The following SMG5 variants were observed in gnomAD, a reference collection of about 807,000 sequenced individuals.
The protein encoded by SMG5 is nonsense-mediated mRNA decay factor SMG5.
In SMG5, 53 loss-of-function variants were observed where a neutral mutation model predicts 122.9. The ratio of observed to expected loss-of-function variants is 0.43; its 90% CI spans 0.35 to 0.54. The LOEUF is 0.54. Among genes scored for constraint, SMG5 ranks in the 20% least tolerant of loss-of-function variants. The pLI is 0.01. For synonymous variants in SMG5, 477 were observed against 490.2 expected (o/e 0.97, Z 0.35); for missense variants, 1,153 against 1,285.6 (o/e 0.90, Z 1.58).
In SMG5 at chr1:156,261,366, G is replaced by A. The variant is rs374473521; in HGVS notation, c.2074C>T (p.Leu692=). The A allele has an allele frequency of 2.5e-6, 4 of 1,614,076 alleles. No homozygotes were observed. In the African/African-American group the frequency reaches 4.0e-5, roughly 16 times the overall value. The stretch of plus-strand genomic sequence containing the variant: ...TGGAGTTCACCAGCAGCAGGCAACA[G>A]ATTCAGCAACACAGACAGGCGGTTC... ...LWNRLSVLLN[L]LPAAGELQES... is the part of the protein sequence containing the mutation. Residue 692 remains leucine (L), a synonymous_variant, in exon 14 of 22, where the codon CTG becomes TTG. Transcript: ENST00000361813.
At chr1:156,258,577 C>A (rs946706198) in intron 16 of SMG5, among the ~76,000 whole-genome samples, 2 of 152,216 alleles carry the variant, frequency 1.3e-5, no homozygotes, top group Non-Finnish European at 2.9e-5. Context: ...GCAGGTGGAT[C>A]ACAAGGGCAA....
At position 156,250,094 on chromosome 1, in the gene SMG5, G is replaced by A. The variant is rs770487914; in HGVS notation, c.*493C>T. Reference sequence around the variant, plus strand: ...AAAGGGGGCTGAAAGGAGGATGGGTGATCCTTGAGGAGGGGAAGGGTCTGC... The same window carrying A: ...AAAGGGGGCTGAAAGGAGGATGGGTAATCCTTGAGGAGGGGAAGGGTCTGC... On this transcript the variant is annotated 3_prime_UTR_variant, in exon 22 of 22. Transcript: ENST00000361813. The A allele has an allele frequency of 5.3e-6, 2 of 377,202 alleles. No individual in the cohort carries two copies. The highest frequency in any genetic ancestry group is 1.1e-5 in the Non-Finnish European group (2 of 184,814). 23.4% of individuals were successfully genotyped at this position (377,202 alleles called of 1,614,324 possible).
chr1:156,261,217 G>A, intron 14 of SMG5, 116 bp downstream of exon 14: 1 of 941,162 alleles, frequency 1.1e-6, no homozygotes, highest in Middle Eastern at 2.2e-4. Context: ...AGGGAGGCTG[G>A]CAGTGAATCC....
chr1:156,270,391 G>C (rs1346107864), intron 7 of SMG5, among the ~76,000 whole-genome samples: 1 of 152,218 alleles, frequency 6.6e-6, no homozygotes, highest in Non-Finnish European at 1.5e-5. Flanking sequence ...ATGGTCCTAA[G>C]ACCACACAGA....
chr1:156,291,177 A>G, the SMG5 span: 3 of 572,138 alleles, frequency 5.2e-6, no homozygotes, highest in Admixed American at 9.2e-5. Context: ...CTTCATAAAG[A>G]TGTGGGGAAG....
intron 5 of SMG5, among the ~76,000 whole-genome samples, chr1:156,273,783 G>A (rs906741786): frequency 2.8e-5 from 4 of 144,254 alleles, no homozygotes; most frequent in African/African-American, 7.8e-5. Context: ...TCCAACTCCT[G>A]GGTTCAAATG....
At position 156,249,903 on chromosome 1, in the gene SMG5, G is replaced by A; in HGVS notation, c.*684C>T. The A allele has an allele frequency of 2.1e-6, 1 of 471,246 alleles. No individual in the cohort carries two copies. The highest frequency in any genetic ancestry group is 4.4e-6 in the Non-Finnish European group (1 of 227,066). 29.2% of individuals were successfully genotyped at this position (471,246 alleles called of 1,614,324 possible). On this transcript the variant is annotated 3_prime_UTR_variant, in exon 22 of 22. Transcript: ENST00000361813. ...GTGGGGCCTGCTCCCTGCCCTGGAA[G>A]CTAGACAGAGGGAGACACAAAGCAG...
intron 16 of SMG5, among the ~76,000 whole-genome samples, chr1:156,256,400 A>G (rs1310317971): frequency 6.7e-6 from 1 of 148,318 alleles, no homozygotes; most frequent in African/African-American, 2.5e-5. Flanking sequence ...CTGCAGCCTC[A>G]ACCTAACAGC....
At chr1:156,282,476 T>C in intron 1 of SMG5, 131 bp downstream of exon 1, 1 of 943,700 alleles carries the variant, frequency 1.1e-6, no homozygotes, top group Non-Finnish European at 1.6e-6. Context: ...CCGCCCCGCC[T>C]CCAAAATTGC....
intron 7 of SMG5, 51 bp from the exon 8 acceptor site, chr1:156,268,466 T>C: frequency 6.2e-7 from 1 of 1,602,548 alleles, no homozygotes; most frequent in Non-Finnish European, 8.5e-7. Flanking sequence ...GAGGATATGT[T>C]ACTCTGCTGG....
chr1:156,272,506 C>G (rs1460747987), intron 6 of SMG5, 108 bp from the exon 7 acceptor site: 3 of 815,940 alleles, frequency 3.7e-6, no homozygotes, highest in Non-Finnish European at 4.1e-6. Context: ...ACAGCTGGGT[C>G]TGCAGGCAAC....
intron 13 of SMG5, among the ~76,000 whole-genome samples, chr1:156,262,714 G>A (rs530256786): frequency 5.8e-4 from 89 of 152,284 alleles, no homozygotes; most frequent in African/African-American, 2.0e-3. Context: ...ACTGTCATCA[G>A]ACATAAGCAC....
chr1:156,271,841 C>T (rs866775307), intron 7 of SMG5, among the ~76,000 whole-genome samples: 1 of 152,070 alleles, frequency 6.6e-6, no homozygotes, highest in Non-Finnish European at 1.5e-5. Context: ...GATCTGCCTG[C>T]CTTGGCCTCC....
At chr1:156,251,703 G>A (rs1661365002) in intron 19 of SMG5, among the ~76,000 whole-genome samples, 2 of 152,224 alleles carry the variant, frequency 1.3e-5, no homozygotes, top group Non-Finnish European at 2.9e-5. Flanking sequence ...CAGGGGAGGA[G>A]CTGGGAGGGG....
rs943539845 is a variant in SMG5, at chr1:156,253,723, G to A, written c.2443-215C>T. On this transcript the variant is annotated intron_variant, in intron 16 of 21. Coordinates refer to ENST00000361813, the MANE Select transcript of SMG5 (RefSeq NM_015327.3). Reference sequence around the variant, plus strand: ...CCATTACCAACCCGATGCAGGTCATGATGTTCCAGGCCCTGCAGGGGAGGG... The same window carrying A: ...CCATTACCAACCCGATGCAGGTCATAATGTTCCAGGCCCTGCAGGGGAGGG... 1.0e-5 allele frequency: 6 copies of A among 593,198 alleles called. No homozygotes were observed. In the African/African-American group the frequency reaches 1.1e-4, roughly 11 times the overall value. 36.7% of individuals were successfully genotyped at this position (593,198 alleles called of 1,614,324 possible).
the SMG5 span, chr1:156,291,265 A>T: frequency 1.2e-6 from 1 of 815,616 alleles, no homozygotes; most frequent in African/African-American, 1.7e-5. Flanking sequence ...ATTTGGAAGT[A>T]CCAGCCATAC....
chr1:156,250,650 G>A lies in SMG5; in HGVS notation c.2988C>T (p.Ala996=), dbSNP rs1572568920. 1.2e-6 allele frequency: 2 copies of A among 1,614,200 alleles called. No homozygotes were observed. The highest frequency in any genetic ancestry group is 8.5e-7 in the Non-Finnish European group (1 of 1,180,030). ...CATTCTTGATGTCCACACTGGCGTG[G>A]GCAGCGGCCTGCAGGGCTGCCTGTG... is the stretch of plus-strand genomic sequence containing the variant. ...GPMQAALQAA[A]HASVDIKNVL... The change falls in exon 22 of 22, where the codon GCC becomes GCT. Residue 996 remains alanine, a synonymous_variant. Coordinates refer to ENST00000361813, the MANE Select transcript of SMG5 (RefSeq NM_015327.3).
In SMG5 at chr1:156,250,902, C is replaced by T; in HGVS notation, c.2923G>A (p.Gly975Ser). 2 of 1,613,964 alleles carry T rather than the reference C, an allele frequency of 1.2e-6. No homozygotes were observed. Among genetic ancestry groups the T allele is most frequent in the Non-Finnish European group, 1.7e-6 (2 of 1,179,898 alleles). The stretch of plus-strand genomic sequence containing the variant: ...ACGCTGGGGTTGTCCAGTGGAAGGC[C>T]TGTGATGATGGTCACCATGCCACTC... ...DPSGMVTIIT[G>S]LPLDNPSVLS... The change falls in exon 21 of 22, where the codon GGC becomes AGC. Residue 975 changes from glycine (G) to serine (S), a missense_variant. Coordinates refer to ENST00000361813, the MANE Select transcript of SMG5 (RefSeq NM_015327.3).
Position 156,267,621 on chromosome 1 carries a change from G to C in SMG5, c.966C>G (p.Leu322=). 1 of 1,613,526 alleles carries C rather than the reference G, an allele frequency of 6.2e-7. No individual in the cohort carries two copies. The highest frequency in any genetic ancestry group is 8.5e-7 in the Non-Finnish European group (1 of 1,179,898). ...LCQSVLEDFN[L]CLFYLPSSPN... ...GTGAGGAGGGCAGGTAGAAGAGGCAGAGGTTGAAGTCCTCCAGGACTGACT... is the reference window on the plus strand; with the variant it reads ...GTGAGGAGGGCAGGTAGAAGAGGCACAGGTTGAAGTCCTCCAGGACTGACT... Residue 322 remains leucine, a synonymous_variant, in exon 10 of 22, where the codon CTC becomes CTG. Coordinates refer to ENST00000361813, the MANE Select transcript of SMG5 (RefSeq NM_015327.3).
Sources: allele counts gnomAD v4.1 joint callset (sites outside exome capture counted in the v4.1 genomes callset), GRCh38; gene constraint gnomAD v4.1.1; transcripts MANE v1.5; gene names NCBI Gene and HGNC (gene_info 2026-07-23, HGNC 2026-07-21).